KANSL2: variants seen among roughly 807,000 people sequenced by gnomAD.
The protein encoded by KANSL2 is KAT8 regulatory NSL complex subunit 2.
KANSL2 carries 34 observed loss-of-function variants against 55.6 expected under a neutral mutation model. The ratio of observed to expected loss-of-function variants is 0.61; its 90% CI spans 0.46 to 0.81. KANSL2 has a LOEUF of 0.81. KANSL2 is among the 40% of genes least tolerant of loss of function. The pLI is 0.00. For missense variants in KANSL2, 502 were observed against 609.9 expected (o/e 0.82, Z 1.86); for synonymous variants, 209 against 214.3 (o/e 0.98, Z 0.22).
Position 48,679,756 on chromosome 12 carries a change from G to T in KANSL2, c.329C>A (p.Pro110His). ...CTGGCACAGGAGTGTTTCACCCACA[G>T]GCCCTGGGTTGGTCTTCTTCATTTG... ...HAQMKKTNPG[P>H]VGETLLCQLS... The change falls in exon 3 of 10, where the codon CCT becomes CAT. Residue 110 changes from proline to histidine, a missense_variant. Transcript: ENST00000420613. The T allele has an allele frequency of 6.2e-7, 1 of 1,610,338 alleles. No homozygotes were observed. The highest frequency in any genetic ancestry group is 1.1e-5 in the South Asian group (1 of 90,180).
intron 1 of KANSL2, 107 bp downstream of exon 1, chr12:48,682,080 C>A (rs1286477175): frequency 1.4e-6 from 1 of 703,042 alleles, no homozygotes; most frequent in Admixed American, 2.0e-5. Context: ...AGGAAGGAGA[C>A]TGACTCTGAC....
At position 48,666,692 on chromosome 12, in the gene KANSL2, CA is replaced by C. The variant is rs1224732445; in HGVS notation, c.973+1000del. ...TGGGCGACACAGCGAGACTCTGCCT[CA>C]AAAAATATAATTAATAATAAAATAA... On this transcript the variant is annotated intron_variant, in intron 7 of 9. Coordinates refer to ENST00000420613, the MANE Select transcript of KANSL2 (RefSeq NM_017822.4). Among the ~76,000 whole-genome samples, 3 of 151,278 alleles carry C rather than the reference CA, an allele frequency of 2.0e-5. No homozygotes were observed. The South Asian group carries it at 6.3e-4, about 32-fold the overall frequency.
At chr12:48,663,753 T>G (rs1232527258) in intron 7 of KANSL2, among the ~76,000 whole-genome samples, 3 of 148,524 alleles carry the variant, frequency 2.0e-5, no homozygotes. Context: ...ATAAGGCTTC[T>G]GATCAACAGT....
At chr12:48,665,619 C>A (rs1939582930) in intron 7 of KANSL2, among the ~76,000 whole-genome samples, 1 of 152,096 alleles carries the variant, frequency 6.6e-6, no homozygotes, top group Non-Finnish European at 1.5e-5. Context: ...GCATTTCTTG[C>A]CAAGCAAATG....
At chr12:48,676,182 A>T (rs929574187) in intron 4 of KANSL2, among the ~76,000 whole-genome samples, 1 of 152,170 alleles carries the variant, frequency 6.6e-6, no homozygotes, top group African/African-American at 2.4e-5. Context: ...ACGATCACAG[A>T]GCCTCAACCT....
chr12:48,656,842 T>G, intron 8 of KANSL2: 1 of 450,718 alleles, frequency 2.2e-6, no homozygotes, highest in Non-Finnish European at 4.4e-6. Context: ...TTTTCAAGAG[T>G]CTGGTGCTAA....
chr12:48,656,503 G>A (rs535919104), intron 8 of KANSL2: 39 of 310,102 alleles, frequency 1.3e-4, no homozygotes, highest in South Asian at 8.6e-4. Flanking sequence ...TTGATCTCCC[G>A]ACCAGTGATT....
At chr12:48,665,961 C>T (rs1382038400) in intron 7 of KANSL2, among the ~76,000 whole-genome samples, 4 of 152,170 alleles carry the variant, frequency 2.6e-5, no homozygotes, top group Non-Finnish European at 5.9e-5. Flanking sequence ...AACTGTAATC[C>T]TAGCACTTTG....
At chr12:48,676,174 G>A (rs1052914827) in intron 4 of KANSL2, among the ~76,000 whole-genome samples, 1 of 152,088 alleles carries the variant, frequency 6.6e-6, no homozygotes, top group Non-Finnish European at 1.5e-5. Context: ...GCAGTGGCAC[G>A]ATCACAGAGC....
chr12:48,675,895 A>G (rs1478866240), intron 4 of KANSL2, among the ~76,000 whole-genome samples: 1 of 152,220 alleles, frequency 6.6e-6, no homozygotes, highest in Non-Finnish European at 1.5e-5. Context: ...CTTATATTCT[A>G]CTAAATAGTC....
At chr12:48,673,621 G>A (rs944149460) in intron 4 of KANSL2, among the ~76,000 whole-genome samples, 1 of 150,480 alleles carries the variant, frequency 6.6e-6, no homozygotes, top group Admixed American at 6.6e-5. Context: ...ATATATGGTA[G>A]ACTGTTCTCT....
rs753752424 is a variant in KANSL2, at chr12:48,658,257, T to C, written c.1227+2109A>G. ...AATAATAATGACTAGCTTGGAATTA[T>C]TTAAACACTGAATCAAAAGGCATCT... On this transcript the variant is annotated intron_variant, in intron 8 of 9. Coordinates refer to ENST00000420613, the MANE Select transcript of KANSL2 (RefSeq NM_017822.4). Among the ~76,000 whole-genome samples, 9 of 152,100 alleles carry C rather than the reference T, an allele frequency of 5.9e-5. No homozygotes were observed. The East Asian group carries it at 9.8e-4, about 17-fold the overall frequency.
At chr12:48,672,433 A>ACGTATATATATATATATATATTTTT (rs1939741058) in intron 4 of KANSL2, among the ~76,000 whole-genome samples, 2 of 120,384 alleles carry the variant, frequency 1.7e-5, no homozygotes, top group Non-Finnish European at 3.2e-5. Flanking sequence ...ATATATATAT[A>ACGTATATATATATATATATATTTTT]TTTTTTTTTT....
intron 4 of KANSL2, among the ~76,000 whole-genome samples, chr12:48,672,435 T>TATATATATATATATATATATATATA (rs1418549166): frequency 9.5e-6 from 1 of 104,890 alleles, no homozygotes; most frequent in Non-Finnish European, 2.0e-5. Flanking sequence ...ATATATATAT[T>TATATATATATATATATATATATATA]TTTTTTTTGA....
intron 8 of KANSL2, among the ~76,000 whole-genome samples, chr12:48,656,970 A>G (rs1939396002): frequency 6.6e-6 from 1 of 152,196 alleles, no homozygotes; most frequent in African/African-American, 2.4e-5. Flanking sequence ...GCTTAGTTCT[A>G]CGCTTTTAAA....
At chr12:48,656,825 C>A (rs766742893) in intron 8 of KANSL2, 2 of 469,798 alleles carry the variant, frequency 4.3e-6, no homozygotes, top group Non-Finnish European at 8.4e-6. Flanking sequence ...AACTTTCATG[C>A]CACTGCTTTT....
chr12:48,675,019 TAAATA>T (rs1362704610), intron 4 of KANSL2, among the ~76,000 whole-genome samples: 47 of 147,248 alleles, frequency 3.2e-4, no homozygotes, highest in African/African-American at 8.3e-4. Flanking sequence ...AATTTAAAAA[TAAATA>T]AAATAAAATA....
At chr12:48,677,616 C>A (rs1396680430) in intron 4 of KANSL2, among the ~76,000 whole-genome samples, 2 of 151,736 alleles carry the variant, frequency 1.3e-5, no homozygotes, top group Non-Finnish European at 2.9e-5. Context: ...CCCATCTCTA[C>A]TAAAAATACA....
intron 4 of KANSL2, among the ~76,000 whole-genome samples, chr12:48,674,297 C>G (rs1180156439): frequency 6.6e-6 from 1 of 152,114 alleles, no homozygotes; most frequent in Non-Finnish European, 1.5e-5. Flanking sequence ...TGTGCCACCA[C>G]ACCTGGCTAA....
Sources: allele counts gnomAD v4.1 joint callset (sites outside exome capture counted in the v4.1 genomes callset), GRCh38; gene constraint gnomAD v4.1.1; transcripts MANE v1.5; gene names NCBI Gene and HGNC (gene_info 2026-07-23, HGNC 2026-07-21).